MYO6: variants seen among roughly 807,000 people sequenced by gnomAD.
MYO6 encodes unconventional myosin-VI.
Under a neutral mutation model 178.7 loss-of-function variants are expected in MYO6, and 74 were observed. The ratio of observed to expected loss-of-function variants is 0.41; its 90% CI spans 0.34 to 0.50. MYO6 has a LOEUF of 0.50. Ranked by LOEUF, MYO6 falls within the 20% of genes least tolerant of loss-of-function variation. The pLI, the probability that MYO6 is intolerant of heterozygous loss-of-function variation, is 0.09. For missense variants in MYO6, 1,330 were observed against 1,547.4 expected, an observed-to-expected ratio of 0.86 and a Z score of 2.36; for synonymous variants, 477 against 504.6, an observed-to-expected ratio of 0.95 and a Z score of 0.73.
intron 33 of MYO6, 76 bp from the exon 34 acceptor site, chr6:75,913,987 G>T (rs1582019778): frequency 1.6e-6 from 2 of 1,278,592 alleles, no homozygotes; most frequent in East Asian, 2.3e-5. Context: ...AAAATTATTG[G>T]GGTATATTTT....
At chr6:75,855,597 A>G (rs1194589181) in intron 12 of MYO6, among the ~76,000 whole-genome samples, 1 of 152,190 alleles carries the variant, frequency 6.6e-6, no homozygotes, top group Non-Finnish European at 1.5e-5. Context: ...TTTTTATGCC[A>G]ATAATGTGTA....
intron 20 of MYO6, among the ~76,000 whole-genome samples, chr6:75,877,666 G>A (rs1324018027): frequency 2.6e-5 from 4 of 151,960 alleles, no homozygotes; most frequent in Admixed American, 2.6e-4. Flanking sequence ...TGTGCTGCCT[G>A]TCTTGTAGCA....
chr6:75,882,682 C>T (rs1288644687), intron 23 of MYO6, among the ~76,000 whole-genome samples: 2 of 150,302 alleles, frequency 1.3e-5, no homozygotes, highest in East Asian at 1.9e-4. Flanking sequence ...CATGACAGAA[C>T]TCTTCATAGG....
At chr6:75,861,134 AG>A in intron 15 of MYO6, 39 bp downstream of exon 15, 1 of 1,441,460 alleles carries the variant, frequency 6.9e-7, no homozygotes, top group Non-Finnish European at 9.8e-7. Flanking sequence ...AAATATAGGA[AG>A]ATGTAGTGAA....
intron 1 of MYO6, among the ~76,000 whole-genome samples, chr6:75,799,064 C>A (rs953527719): frequency 6.6e-6 from 1 of 152,116 alleles, no homozygotes; most frequent in Admixed American, 6.6e-5. Flanking sequence ...GGTGAAAGAC[C>A]TCTACAAGGA....
At chr6:75,826,698 C>T (rs1053275468) in intron 3 of MYO6, among the ~76,000 whole-genome samples, 4 of 152,134 alleles carry the variant, frequency 2.6e-5, no homozygotes, top group Non-Finnish European at 4.4e-5. Context: ...GCCTAACCCT[C>T]TCTATATCCT....
intron 1 of MYO6, among the ~76,000 whole-genome samples, chr6:75,754,539 A>AG (rs1198147999): frequency 1.3e-5 from 2 of 151,128 alleles, no homozygotes; most frequent in East Asian, 3.9e-4. Flanking sequence ...AAAAAAAAAA[A>AG]AAAAAAAGTA....
chr6:75,814,321 C>T (rs1192505881), intron 1 of MYO6, among the ~76,000 whole-genome samples: 1 of 152,074 alleles, frequency 6.6e-6, no homozygotes, highest in Non-Finnish European at 1.5e-5. Flanking sequence ...TGGTTTTGCT[C>T]CCCTCTCCAG....
intron 30 of MYO6, among the ~76,000 whole-genome samples, chr6:75,899,102 G>T (rs1004866369): frequency 6.6e-6 from 1 of 152,096 alleles, no homozygotes; most frequent in African/African-American, 2.4e-5. Context: ...AGAGATGGGG[G>T]TGGGGAAACA....
At chr6:75,889,313 A>G (rs958943084) in intron 25 of MYO6, among the ~76,000 whole-genome samples, 1 of 152,244 alleles carries the variant, frequency 6.6e-6, no homozygotes, top group African/African-American at 2.4e-5. Context: ...ATAATTTTGG[A>G]TATATTTTGT....
At chr6:75,845,438 A>T (rs901896231) in intron 10 of MYO6, among the ~76,000 whole-genome samples, 1 of 152,152 alleles carries the variant, frequency 6.6e-6, no homozygotes, top group Non-Finnish European at 1.5e-5. Context: ...CACACCTGTA[A>T]TCCCAGCACT....
chr6:75,882,479 C>T (rs1409309930), intron 23 of MYO6, among the ~76,000 whole-genome samples: 1 of 152,056 alleles, frequency 6.6e-6, no homozygotes, highest in African/African-American at 2.4e-5. Context: ...AGTCTCTTCC[C>T]CCACCATCCC....
At position 75,759,500 on chromosome 6, in the gene MYO6, C is replaced by G. The variant is rs564472084; in HGVS notation, c.-48+10077C>G. ...CAGGAGGGGCGTGAAGGGAGGTTCC[C>G]TGATCTCTCTTCCCTCTTCCTCCGA... On this transcript the variant is annotated intron_variant, in intron 1 of 34. Transcript: ENST00000369977. 3.9e-5 allele frequency among the ~76,000 whole-genome samples: 6 copies of G among 151,964 alleles called. No individual in the cohort carries two copies. In the South Asian group the frequency reaches 1.2e-3, roughly 32 times the overall value.
Position 75,890,261 on chromosome 6 carries a change from C to T in MYO6, c.2863C>T (p.Arg955Trp), listed in dbSNP as rs1185813203. 2.5e-6 allele frequency: 4 copies of T among 1,613,298 alleles called. No individual in the cohort carries two copies. Among genetic ancestry groups the T allele is most frequent in the East Asian group, 2.2e-5 (1 of 44,880 alleles). The part of the protein sequence containing the change: ...KRRRKEEEER[R>W]MKLEMEAKRK... Reference sequence around the variant, plus strand: ...TCGAAGAAAGGAAGAGGAGGAAAGGCGGATGTGAGGCATTTATATTATTTT... The same window carrying T: ...TCGAAGAAAGGAAGAGGAGGAAAGGTGGATGTGAGGCATTTATATTATTTT... Residue 955 changes from arginine (R) to tryptophan (W), a missense_variant, in exon 26 of 35, where the codon CGG becomes TGG. Transcript: ENST00000369977.
chr6:75,770,647 T>C (rs1358856400), intron 1 of MYO6, among the ~76,000 whole-genome samples: 1 of 152,164 alleles, frequency 6.6e-6, no homozygotes, highest in Admixed American at 6.5e-5. Context: ...TGGCTAATTT[T>C]CGTATTTTTA....
At chr6:75,882,015 G>GTGTT (rs1402011763) in intron 23 of MYO6, among the ~76,000 whole-genome samples, 197 bp downstream of exon 23, 1 of 152,044 alleles carries the variant, frequency 6.6e-6, no homozygotes, top group East Asian at 1.9e-4. Context: ...TTATTCAAAT[G>GTGTT]TGTTATAAGA....
chr6:75,900,476 C>T (rs900560108), intron 30 of MYO6, among the ~76,000 whole-genome samples: 4 of 152,222 alleles, frequency 2.6e-5, no homozygotes, highest in African/African-American at 9.7e-5. Context: ...TTGCATTTCT[C>T]TGATGGCCAG....
At chr6:75,837,881 T>C (rs1425632081) in intron 7 of MYO6, among the ~76,000 whole-genome samples, 1 of 152,184 alleles carries the variant, frequency 6.6e-6, no homozygotes, top group African/African-American at 2.4e-5. Context: ...GAACAAATTA[T>C]GGGCTACCTC....
At chr6:75,893,249 C>T (rs1052220108) in intron 28 of MYO6, among the ~76,000 whole-genome samples, 1 of 152,018 alleles carries the variant, frequency 6.6e-6, no homozygotes, top group African/African-American at 2.4e-5. Flanking sequence ...TCTCTAAGCA[C>T]TCCACTATAG....
Sources: allele counts gnomAD v4.1 joint callset (sites outside exome capture counted in the v4.1 genomes callset), GRCh38; gene constraint gnomAD v4.1.1; transcripts MANE v1.5; gene names NCBI Gene and HGNC (gene_info 2026-07-23, HGNC 2026-07-21).